PSPC1: variants seen among roughly 807,000 people sequenced by gnomAD.
The protein encoded by PSPC1 is paraspeckle component 1, also known as paraspeckle protein 1.
Under a neutral mutation model 51.6 loss-of-function variants are expected in PSPC1, and 14 were observed. The observed-to-expected ratio is 0.27, with a 90% CI of 0.18 to 0.42. PSPC1 has a LOEUF of 0.42. PSPC1 is among the 10% of genes least tolerant of loss of function. The pLI is 1.00. For synonymous variants in PSPC1, 193 were observed against 231.9 expected, an observed-to-expected ratio of 0.83 and a Z score of 1.53; for missense variants, 406 against 701.1, an observed-to-expected ratio of 0.58 and a Z score of 4.75.
intron 6 of PSPC1, among the ~76,000 whole-genome samples, chr13:19,710,216 G>A (rs986830785): frequency 4.6e-5 from 7 of 152,136 alleles, no homozygotes; most frequent in African/African-American, 1.7e-4. Context: ...CTTTAACTGC[G>A]CAGTAATTTT....
At chr13:19,730,198 G>A (rs1401384891) in intron 6 of PSPC1, 41 bp downstream of exon 6, 2 of 1,559,976 alleles carry the variant, frequency 1.3e-6, no homozygotes, top group Non-Finnish European at 1.8e-6. Context: ...TCATAAACCT[G>A]AAAATATAAA....
rs903317701 is a variant in PSPC1, at chr13:19,744,280, G to A, written c.968-2631C>T. Among the ~76,000 whole-genome samples, 4 of 152,138 alleles carry A rather than the reference G, an allele frequency of 2.6e-5. No homozygotes were observed. The South Asian group carries it at 6.2e-4, about 24-fold the overall frequency. On this transcript the variant is annotated intron_variant, in intron 4 of 8. Transcript: ENST00000338910. Reference sequence around the variant, plus strand: ...TCTCCCCAACAGCCAGGACTGACAGGCTTTTAACCTCTCAGATCTTATCAC... The same window carrying A: ...TCTCCCCAACAGCCAGGACTGACAGACTTTTAACCTCTCAGATCTTATCAC...
intron 2 of PSPC1, among the ~76,000 whole-genome samples, chr13:19,762,296 G>A (rs1397086693): frequency 1.3e-5 from 2 of 152,120 alleles, no homozygotes; most frequent in African/African-American, 2.4e-5. Flanking sequence ...GGTGGCTCAC[G>A]CCTGTAACCC....
intron 2 of PSPC1, 132 bp downstream of exon 2, chr13:19,772,110 A>G: frequency 1.0e-6 from 1 of 983,198 alleles, no homozygotes; most frequent in Non-Finnish European, 1.5e-6. Context: ...TTTCTTATTT[A>G]TATTCACTGA....
intron 6 of PSPC1, among the ~76,000 whole-genome samples, chr13:19,720,039 T>A (rs1487775825): frequency 6.6e-6 from 1 of 152,188 alleles, no homozygotes; most frequent in Admixed American, 6.5e-5. Flanking sequence ...GTTTCAATTG[T>A]CAGGTGTAAA....
intron 6 of PSPC1, among the ~76,000 whole-genome samples, chr13:19,726,472 C>T (rs1000185582): frequency 6.6e-5 from 10 of 152,174 alleles, no homozygotes; most frequent in Non-Finnish European, 1.3e-4. Context: ...TTGAAAACTA[C>T]TGGATTTAGC....
rs541566383 is a variant in PSPC1, at chr13:19,716,125, C to T, written c.1159-6526G>A. ...TGAATTTCATATTTGGATCTGGGTC[C>T]CATCCCCAAGATATCTCATTACATA... is the stretch of plus-strand genomic sequence containing the variant. On this transcript the variant is annotated intron_variant, in intron 6 of 8. Coordinates refer to ENST00000338910, the MANE Select transcript of PSPC1 (RefSeq NM_001354909.2). 9.2e-5 allele frequency among the ~76,000 whole-genome samples: 14 copies of T among 152,242 alleles called. No homozygotes were observed. In the South Asian group the frequency reaches 2.9e-3, roughly 32 times the overall value.
chr13:19,699,208 T>G (rs930472313), downstream of PSPC1, among the ~76,000 whole-genome samples: 7 of 151,964 alleles, frequency 4.6e-5, no homozygotes, highest in Non-Finnish European at 8.8e-5. Context: ...TTTTAAAATT[T>G]TTTTATTTTT....
intron 6 of PSPC1, among the ~76,000 whole-genome samples, chr13:19,696,258 C>A (rs2137677436): frequency 6.6e-6 from 1 of 152,250 alleles, no homozygotes; most frequent in Middle Eastern, 3.4e-3. Context: ...AGAAACAAAT[C>A]TCTATACTTA....
chr13:19,753,368 T>TA (rs1886759517), intron 3 of PSPC1, among the ~76,000 whole-genome samples: 1 of 149,892 alleles, frequency 6.7e-6, no homozygotes, highest in South Asian at 2.1e-4. Context: ...ACAGAGCACC[T>TA]AGAACTACAG....
Position 19,759,861 on chromosome 13 carries a change from CA to C in PSPC1, c.675-444del, listed in dbSNP as rs60889099. ...TGGGCAACACAGCAAGACTCCATCACAAAAAAAAAAAAAAATCAGTCAATAA... is the reference window on the plus strand; with the variant it reads ...TGGGCAACACAGCAAGACTCCATCACAAAAAAAAAAAAAATCAGTCAATAA... On this transcript the variant is annotated intron_variant, in intron 2 of 8. Coordinates refer to ENST00000338910, the MANE Select transcript of PSPC1 (RefSeq NM_001354909.2). Among the ~76,000 whole-genome samples, 216 of 131,734 alleles carry C rather than the reference CA, an allele frequency of 1.6e-3. 2 individuals carry two copies. The highest frequency in any genetic ancestry group is 5.8e-3 in the African/African-American group (190 of 32,898). The allele number at this position is 131,734 out of a possible 152,430, so 86.4% of individuals were successfully genotyped here. A position where few individuals can be genotyped will look rare whatever the true frequency, so the allele number is the denominator to read the frequency against.
At chr13:19,716,014 AAAAAAATAAAAAAT>A (rs374365531) in intron 6 of PSPC1, among the ~76,000 whole-genome samples, 12 of 152,134 alleles carry the variant, frequency 7.9e-5, no homozygotes, top group African/African-American at 2.7e-4. Context: ...ACTCCGTCTC[AAAAAAATAAAAAAT>A]AAAAAATAAA....
At chr13:19,684,106 T>C (rs547056220) in intron 6 of PSPC1, among the ~76,000 whole-genome samples, 1 of 152,290 alleles carries the variant, frequency 6.6e-6, no homozygotes, top group East Asian at 1.9e-4. Flanking sequence ...CGTTAGGAAG[T>C]GAGACATGTC....
intron 6 of PSPC1, among the ~76,000 whole-genome samples, chr13:19,719,282 T>C (rs1404090550): frequency 6.6e-6 from 1 of 152,092 alleles, no homozygotes; most frequent in Non-Finnish European, 1.5e-5. Flanking sequence ...TGAAAAAGGC[T>C]ACTAAAATAT....
At chr13:19,775,976 G>A (rs1040255897) in intron 1 of PSPC1, among the ~76,000 whole-genome samples, 2 of 151,994 alleles carry the variant, frequency 1.3e-5, no homozygotes, top group East Asian at 1.9e-4. Flanking sequence ...GTGTGAACAC[G>A]GGAGGCGGAA....
At chr13:19,694,794 AC>A (rs1879009810) in intron 6 of PSPC1, among the ~76,000 whole-genome samples, 1 of 152,250 alleles carries the variant, frequency 6.6e-6, no homozygotes, top group South Asian at 2.1e-4. Context: ...TTACTTCAGC[AC>A]AACTCAATTC....
intron 2 of PSPC1, among the ~76,000 whole-genome samples, chr13:19,768,481 C>T (rs1259114153): frequency 6.7e-6 from 1 of 150,260 alleles, no homozygotes; most frequent in Non-Finnish European, 1.5e-5. Context: ...CCTGTCTCTA[C>T]TAAAAATACA....
chr13:19,754,676 G>A (rs1483059115), intron 3 of PSPC1, among the ~76,000 whole-genome samples: 1 of 151,918 alleles, frequency 6.6e-6, no homozygotes, highest in African/African-American at 2.4e-5. Context: ...CTGACCTCAG[G>A]TGATCCACCC....
At chr13:19,781,074 A>G (rs575194735) in intron 1 of PSPC1, among the ~76,000 whole-genome samples, 29 of 151,432 alleles carry the variant, frequency 1.9e-4, no homozygotes, top group African/African-American at 6.8e-4. Context: ...GAGGTGGGAG[A>G]ACTTCTTGAG....
Sources: allele counts gnomAD v4.1 joint callset (sites outside exome capture counted in the v4.1 genomes callset), GRCh38; gene constraint gnomAD v4.1.1; transcripts MANE v1.5; gene names NCBI Gene and HGNC (gene_info 2026-07-23, HGNC 2026-07-21).